Variants in DLGAP2 observed in about 807,000 individuals in gnomAD.
The protein encoded by DLGAP2 is DLG associated protein 2.
A neutral mutation model predicts 100.3 loss-of-function variants in DLGAP2; 26 were observed. The ratio of observed to expected loss-of-function variants is 0.26; its 90% CI spans 0.19 to 0.36. The LOEUF (loss-of-function observed/expected upper bound fraction) is 0.36. DLGAP2 is among the 10% of genes least tolerant of loss of function. The pLI is 1.00. For missense variants in DLGAP2, 1,858 were observed against 1,453.2 expected, an observed-to-expected ratio of 1.28 and a Z score of -4.53; for synonymous variants, 886 against 630.1, an observed-to-expected ratio of 1.41 and a Z score of -6.08.
chr8:1,372,387 C>A (rs1021927710), intron 3 of DLGAP2, among the ~76,000 whole-genome samples: 1 of 152,158 alleles, frequency 6.6e-6, no homozygotes, highest in Non-Finnish European at 1.5e-5. Flanking sequence ...TGCAGGCGAG[C>A]AAAGCAGACA....
At chr8:974,308 A>C (rs187654260) in intron 2 of DLGAP2, among the ~76,000 whole-genome samples, 1 of 152,344 alleles carries the variant, frequency 6.6e-6, no homozygotes, top group Non-Finnish European at 1.5e-5. Context: ...TAAGGATAAG[A>C]ATTACTTAAG....
intron 13 of DLGAP2, among the ~76,000 whole-genome samples, chr8:1,696,814 T>C (rs985190870): frequency 7.9e-5 from 12 of 152,178 alleles, no homozygotes; most frequent in Admixed American, 2.0e-4. Flanking sequence ...CCCTGTCCCT[T>C]CCGAATCATC....
At chr8:1,455,655 C>T (rs1186539856) in intron 3 of DLGAP2, among the ~76,000 whole-genome samples, 1 of 152,220 alleles carries the variant, frequency 6.6e-6, no homozygotes, top group East Asian at 1.9e-4. Flanking sequence ...GTCCCACTGC[C>T]AGGGGCACGC....
At chr8:1,498,080 T>C (rs189619801) in intron 3 of DLGAP2, among the ~76,000 whole-genome samples, 31 of 152,300 alleles carry the variant, frequency 2.0e-4, no homozygotes, top group African/African-American at 6.5e-4. Context: ...AAGTGAGGCC[T>C]CCCAAGTCAT....
At chr8:825,426 C>T (rs769343147) in intron 1 of DLGAP2, among the ~76,000 whole-genome samples, 25 of 152,180 alleles carry the variant, frequency 1.6e-4, no homozygotes, top group Non-Finnish European at 3.2e-4. Flanking sequence ...GGCCTCTGCC[C>T]GGAGGCAGCC....
chr8:851,785 C>T (rs1355221961), intron 1 of DLGAP2, among the ~76,000 whole-genome samples: 1 of 152,224 alleles, frequency 6.6e-6, no homozygotes, highest in Non-Finnish European at 1.5e-5. Flanking sequence ...CCGCAGCCTG[C>T]TAGATGCCAG....
chr8:1,190,831 C>T (rs963667815), intron 2 of DLGAP2, among the ~76,000 whole-genome samples: 1 of 151,916 alleles, frequency 6.6e-6, no homozygotes, highest in African/African-American at 2.4e-5. Context: ...AGACCCAAGA[C>T]CAGAGCCCAG....
At position 1,412,005 on chromosome 8, in the gene DLGAP2, T is replaced by C. The variant is rs79702637; in HGVS notation, c.107-89361T>C. On this transcript the variant is annotated intron_variant, in intron 3 of 14. Coordinates refer to ENST00000637795, the MANE Select transcript of DLGAP2 (RefSeq NM_001346810.2). The stretch of plus-strand genomic sequence containing the variant: ...CAGCAAGGGCTCTGGAAGACACAGA[T>C]GCCATGGGCAGGTGATCTCCTGCTA... Among the ~76,000 whole-genome samples, 541 of 152,316 alleles carry C rather than the reference T, an allele frequency of 3.6e-3. 10 individuals are homozygous for C. In the East Asian group the frequency reaches 0.049, roughly 14 times the overall value.
intron 6 of DLGAP2, among the ~76,000 whole-genome samples, chr8:1,623,673 G>GTGA (rs1797415155): frequency 6.6e-6 from 1 of 151,948 alleles, no homozygotes; most frequent in South Asian, 2.1e-4. Flanking sequence ...ACACCAGTGT[G>GTGA]TGATGACCTG....
At chr8:1,298,170 C>T (rs879483941) in intron 3 of DLGAP2, among the ~76,000 whole-genome samples, 6 of 151,890 alleles carry the variant, frequency 4.0e-5, no homozygotes, top group East Asian at 1.9e-4. Flanking sequence ...CATGCATGAA[C>T]GGAGAAATGT....
At chr8:1,212,263 A>G (rs1409429727) in intron 2 of DLGAP2, among the ~76,000 whole-genome samples, 2 of 152,228 alleles carry the variant, frequency 1.3e-5, no homozygotes, top group South Asian at 2.1e-4. Flanking sequence ...CACCAGGGAA[A>G]GAAGGGATTG....
chr8:1,456,805 C>CTGTGAG (rs1563160664), intron 3 of DLGAP2, among the ~76,000 whole-genome samples: 11 of 152,108 alleles, frequency 7.2e-5, no homozygotes, highest in Non-Finnish European at 5.9e-5. Flanking sequence ...CTCTGTGATG[C>CTGTGAG]CGTGAGCCCG....
chr8:1,036,724 G>T (rs575680241), intron 2 of DLGAP2, among the ~76,000 whole-genome samples: 3 of 152,282 alleles, frequency 2.0e-5, no homozygotes, highest in Non-Finnish European at 4.4e-5. Flanking sequence ...GCTCAGAACA[G>T]CTCCCAGCTG....
intron 2 of DLGAP2, among the ~76,000 whole-genome samples, chr8:995,121 C>T (rs1035607989): frequency 6.6e-6 from 1 of 152,056 alleles, no homozygotes; most frequent in Non-Finnish European, 1.5e-5. Flanking sequence ...GTTTTTATTG[C>T]CTCAGACAGT....
intron 1 of DLGAP2, among the ~76,000 whole-genome samples, chr8:901,742 C>T (rs911578968): frequency 1.3e-5 from 2 of 152,190 alleles, no homozygotes; most frequent in Admixed American, 1.3e-4. Context: ...TCCCCATTGC[C>T]CCATTGCTGT....
chr8:862,100 G>T (rs566101530), intron 1 of DLGAP2, among the ~76,000 whole-genome samples: 30 of 152,188 alleles, frequency 2.0e-4, no homozygotes, highest in South Asian at 1.0e-3. Flanking sequence ...TCATTTCTTG[G>T]TTTCATGAGT....
chr8:1,575,642 T>C (rs891483697), intron 6 of DLGAP2, among the ~76,000 whole-genome samples: 6 of 107,690 alleles, frequency 5.6e-5, no homozygotes, highest in Non-Finnish European at 8.5e-5. Context: ...TAACAGGCCC[T>C]AGTGTGTGAT....
chr8:1,111,888 G>A (rs1804969169), intron 2 of DLGAP2, among the ~76,000 whole-genome samples: 1 of 152,076 alleles, frequency 6.6e-6, no homozygotes, highest in Non-Finnish European at 1.5e-5. Context: ...TGTCTTTATG[G>A]TAGAATGATT....
At chr8:1,121,380 C>T (rs1405352020) in intron 2 of DLGAP2, among the ~76,000 whole-genome samples, 12 of 151,456 alleles carry the variant, frequency 7.9e-5, no homozygotes, top group Admixed American at 7.9e-4. Flanking sequence ...CATCCTTATC[C>T]CTTTAGAAAC....
Sources: allele counts gnomAD v4.1 joint callset (sites outside exome capture counted in the v4.1 genomes callset), GRCh38; gene constraint gnomAD v4.1.1; transcripts MANE v1.5; gene names NCBI Gene and HGNC (gene_info 2026-07-23, HGNC 2026-07-21).